The following ACAT2 variants were observed in gnomAD, a reference collection of about 807,000 sequenced individuals.
ACAT2 encodes acetyl-CoA acetyltransferase, cytosolic.
In ACAT2, 26 loss-of-function variants were observed where a neutral mutation model predicts 37.1. The observed-to-expected ratio is 0.70, with a 90% CI of 0.51 to 0.97. ACAT2 has a LOEUF of 0.97. Ranked by LOEUF, ACAT2 falls within the 50% of genes least tolerant of loss-of-function variation. ACAT2 has a pLI of 0.00. For synonymous variants in ACAT2, 156 were observed against 163.6 expected, an observed-to-expected ratio of 0.95 and a Z score of 0.35; for missense variants, 468 against 489.0, an observed-to-expected ratio of 0.96 and a Z score of 0.40.
intron 8 of ACAT2, 69 bp downstream of exon 8, chr6:159,778,349 T>C (rs1780473118): frequency 2.6e-6 from 3 of 1,146,744 alleles, no homozygotes. Flanking sequence ...GATAGTATCT[T>C]CTAGGTGTTG....
chr6:159,778,879 C>CT lies in ACAT2; in HGVS notation c.*51dup. 6.2e-7 allele frequency: 1 copy of CT among 1,609,408 alleles called. No individual in the cohort carries two copies. Among genetic ancestry groups the CT allele is most frequent in the Non-Finnish European group, 8.5e-7 (1 of 1,176,670 alleles). ...AATTTCTTTTTAAACTAATAAAGTA[C>CT]TAGGTTGCAATATGTGAAATCAGAG... On this transcript the variant is annotated 3_prime_UTR_variant, in exon 9 of 9. Coordinates refer to ENST00000367048, the MANE Select transcript of ACAT2 (RefSeq NM_005891.3).
chr6:159,765,177 G>T (rs977115209), intron 2 of ACAT2, among the ~76,000 whole-genome samples: 2 of 151,256 alleles, frequency 1.3e-5, no homozygotes, highest in African/African-American at 4.9e-5. Context: ...GTGCAGTGAC[G>T]CAATCTTGGC....
chr6:159,763,629 C>CTTTTT (rs765044833), intron 2 of ACAT2, among the ~76,000 whole-genome samples: 1,012 of 76,412 alleles, frequency 0.013, 131 homozygotes, highest in South Asian at 0.018. Flanking sequence ...TTTTCTTTTC[C>CTTTTT]TTTTTTTTTT....
At chr6:159,765,392 AG>A (rs1218651088) in intron 2 of ACAT2, among the ~76,000 whole-genome samples, 4 of 151,446 alleles carry the variant, frequency 2.6e-5, no homozygotes, top group Non-Finnish European at 5.9e-5. Flanking sequence ...CTGGGATTAC[AG>A]GCATGAGCCA....
intron 7 of ACAT2, 100 bp from the exon 8 acceptor site, chr6:159,778,070 T>C: frequency 1.3e-6 from 1 of 754,016 alleles, no homozygotes; most frequent in Admixed American, 2.8e-5. Context: ...AAGTAGCAGT[T>C]ACCAGTATCA....
At chr6:159,775,359 G>T (rs772894743) in intron 5 of ACAT2, 46 bp downstream of exon 5, 24 of 1,576,924 alleles carry the variant, frequency 1.5e-5, no homozygotes, top group Non-Finnish European at 1.8e-5. Context: ...TTATAGGTAA[G>T]AGTAACATCT....
chr6:159,778,688 G>A lies in ACAT2; in HGVS notation c.1053G>A (p.Leu351=). Reference sequence around the variant, plus strand: ...ATATTGAAGGAGGGGCTATAGCCTTGGGCCACCCTCTTGGAGCATCTGGCT... The same window carrying A: ...ATATTGAAGGAGGGGCTATAGCCTTAGGCCACCCTCTTGGAGCATCTGGCT... The part of the protein sequence containing the change: ...KVNIEGGAIA[L]GHPLGASGCR... The change falls in exon 9 of 9, where the codon TTG becomes TTA. Residue 351 remains leucine, a synonymous_variant. Transcript: ENST00000367048. The A allele has an allele frequency of 6.2e-7, 1 of 1,614,196 alleles. No individual in the cohort carries two copies. The highest frequency in any genetic ancestry group is 2.2e-5 in the East Asian group (1 of 44,876).
chr6:159,765,384 G>A (rs931134204), intron 2 of ACAT2, among the ~76,000 whole-genome samples: 1 of 151,122 alleles, frequency 6.6e-6, no homozygotes, highest in African/African-American at 2.4e-5. Flanking sequence ...CCAAAGTGCT[G>A]GGATTACAGG....
Position 159,767,200 on chromosome 6 carries a change from G to T in ACAT2, c.372+14G>T, listed in dbSNP as rs757911036. 1 of 1,613,312 alleles carries T rather than the reference G, an allele frequency of 6.2e-7. No homozygotes were observed. Among genetic ancestry groups the T allele is most frequent in the South Asian group, 1.1e-5 (1 of 91,052 alleles). ...AATATGAGCAAGGTAAGGCCTCTCT[G>T]ATGAGGTGGCTTTCACTGACCTCAC... is the stretch of plus-strand genomic sequence containing the variant. On this transcript the variant is annotated intron_variant, in intron 3 of 8. Coordinates refer to ENST00000367048, the MANE Select transcript of ACAT2 (RefSeq NM_005891.3).
intron 4 of ACAT2, among the ~76,000 whole-genome samples, chr6:159,772,254 A>C (rs770046498): frequency 7.2e-5 from 11 of 152,226 alleles, no homozygotes; most frequent in Non-Finnish European, 1.3e-4. Context: ...TAGTGTAAAT[A>C]AATACTGTAT....
chr6:159,762,104 A>C lies in ACAT2; in HGVS notation c.17A>C (p.Asp6Ala), dbSNP rs1307924724. Reference sequence around the variant, plus strand: ...AGAAGCAAGATGAATGCAGGCTCAGATCCTGTGGTCATCGTCTCGGCGGCG... The same window carrying C: ...AGAAGCAAGATGAATGCAGGCTCAGCTCCTGTGGTCATCGTCTCGGCGGCG... MNAGS[D>A]PVVIVSAART... Residue 6 changes from aspartate (D) to alanine (A), a missense_variant, in exon 1 of 9, where the codon GAT becomes GCT. Asp to Ala is a moderately radical substitution (Grantham distance 126, BLOSUM62 -2). Transcript: ENST00000367048. 4 of 1,613,210 alleles carry C rather than the reference A, an allele frequency of 2.5e-6. No homozygotes were observed. Among genetic ancestry groups the C allele is most frequent in the Non-Finnish European group, 3.4e-6 (4 of 1,179,620 alleles).
At chr6:159,764,047 G>A (rs957062652) in intron 2 of ACAT2, among the ~76,000 whole-genome samples, 4 of 151,904 alleles carry the variant, frequency 2.6e-5, no homozygotes, top group Non-Finnish European at 2.9e-5. Context: ...CTTGCAGTGA[G>A]CTGAGATTGT....
chr6:159,762,225 A>C, intron 1 of ACAT2, 83 bp downstream of exon 1: 1 of 1,481,054 alleles, frequency 6.8e-7, no homozygotes, highest in Non-Finnish European at 9.0e-7. Context: ...TGTGTAGGAG[A>C]GGGGCGTATG....
intron 6 of ACAT2, 71 bp from the exon 7 acceptor site, chr6:159,777,230 TG>T: frequency 6.7e-7 from 1 of 1,499,692 alleles, no homozygotes; most frequent in Non-Finnish European, 9.0e-7. Context: ...TGTCTTCAGG[TG>T]GTAAAGAAGC....
rs759956506 is a variant in ACAT2 at position 159,775,226 on chromosome 6, G to T, written c.547G>T (p.Val183Phe). 1.9e-6 allele frequency: 3 copies of T among 1,614,192 alleles called. No homozygotes were observed. The highest frequency in any genetic ancestry group is 3.3e-5 in the Admixed American group (2 of 60,028). ...VSREDQDKVA[V>F]LSQNRTENAQ... ...TAGAGAAGATCAGGACAAGGTTGCA[G>T]TTCTGTCCCAGAACAGGACAGAGAA... is the stretch of plus-strand genomic sequence containing the variant. The change falls in exon 5 of 9, where the codon GTT becomes TTT. Residue 183 changes from valine (V) to phenylalanine (F), a missense_variant. Transcript: ENST00000367048.
intron 4 of ACAT2, among the ~76,000 whole-genome samples, chr6:159,774,088 G>C (rs75757546): frequency 6.6e-6 from 1 of 152,138 alleles, no homozygotes; most frequent in Non-Finnish European, 1.5e-5. Flanking sequence ...ACATCACCTG[G>C]GATAAACTGA....
rs1780147519 is a variant in ACAT2 at position 159,762,056 on chromosome 6, A to C, written c.-32A>C. On this transcript the variant is annotated 5_prime_UTR_variant, in exon 1 of 9. Coordinates refer to ENST00000367048, the MANE Select transcript of ACAT2 (RefSeq NM_005891.3). ...GAGGAGCTTTGCCTAGCTTGCAGGCAGCGCAGGGCAGACGGCGGCAGGAGA... is the reference window on the plus strand; with the variant it reads ...GAGGAGCTTTGCCTAGCTTGCAGGCCGCGCAGGGCAGACGGCGGCAGGAGA... The C allele has an allele frequency of 1.9e-6, 3 of 1,610,982 alleles. No homozygotes were observed. Among genetic ancestry groups the C allele is most frequent in the Admixed American group, 1.7e-5 (1 of 59,798 alleles).
chr6:159,774,576 A>T (rs1356209047), intron 4 of ACAT2, among the ~76,000 whole-genome samples: 1 of 152,130 alleles, frequency 6.6e-6, no homozygotes. Context: ...AGCAGCTAGG[A>T]CTACTAGCTA....
chr6:159,778,503 T>C (rs1780484247), intron 8 of ACAT2, 156 bp from the exon 9 acceptor site: 1 of 877,620 alleles, frequency 1.1e-6, no homozygotes, highest in Non-Finnish European at 1.7e-6. Context: ...AGGGATGAAT[T>C]TTCACAAAGG....
Sources: allele counts gnomAD v4.1 joint callset (sites outside exome capture counted in the v4.1 genomes callset), GRCh38; gene constraint gnomAD v4.1.1; transcripts MANE v1.5; gene names NCBI Gene and HGNC (gene_info 2026-07-23, HGNC 2026-07-21).